Variants in SMARCA2 observed in about 807,000 individuals in gnomAD.
The protein encoded by SMARCA2 is SWI/SNF-related matrix-associated actin-dependent regulator of chromatin subfamily A member 2.
SMARCA2 carries 61 observed loss-of-function variants against 199.8 expected under a neutral mutation model. The observed-to-expected ratio is 0.31, with a 90% CI of 0.25 to 0.38. SMARCA2 has a LOEUF of 0.38. Among genes scored for constraint, SMARCA2 ranks in the 10% least tolerant of loss-of-function variants. The pLI is 1.00. For synonymous variants in SMARCA2, 935 were observed against 732.0 expected (o/e 1.28, Z -4.48); for missense variants, 1,344 against 2,012.2 (o/e 0.67, Z 6.35).
chr9:2,128,784 C>A lies in SMARCA2; in HGVS notation c.3981+4847C>A, dbSNP rs1355056204. Among the ~76,000 whole-genome samples the A allele has an allele frequency of 4.6e-5, 7 of 152,302 alleles. No individual in the cohort carries two copies. The East Asian group carries it at 1.2e-3, about 25-fold the overall frequency. Reference sequence around the variant, plus strand: ...AAATCCACCTTTAGCAGTTTTAGTGCCTCATTATCTTCCTTTCCACTCAGT... The same window carrying A: ...AAATCCACCTTTAGCAGTTTTAGTGACTCATTATCTTCCTTTCCACTCAGT... On this transcript the variant is annotated intron_variant, in intron 27 of 33. Coordinates refer to ENST00000349721, the MANE Select transcript of SMARCA2 (RefSeq NM_003070.5).
intron 27 of SMARCA2, among the ~76,000 whole-genome samples, chr9:2,154,026 G>C (rs140013957): frequency 1.5e-4 from 23 of 152,336 alleles, no homozygotes; most frequent in African/African-American, 3.8e-4. Flanking sequence ...TAATCTGGTA[G>C]TTAAGGGTGT....
intron 5 of SMARCA2, among the ~76,000 whole-genome samples, chr9:2,051,740 G>A (rs887709410): frequency 5.3e-5 from 8 of 152,152 alleles, no homozygotes; most frequent in African/African-American, 1.9e-4. Flanking sequence ...CCAAATCATT[G>A]GCCATGGGCT....
chr9:2,099,433 C>G (rs1489730026), intron 21 of SMARCA2, among the ~76,000 whole-genome samples: 1 of 152,104 alleles, frequency 6.6e-6, no homozygotes, highest in African/African-American at 2.4e-5. Context: ...GAAATGACCC[C>G]TTGAGCCATG....
intron 9 of SMARCA2, among the ~76,000 whole-genome samples, chr9:2,068,019 T>C (rs1820920514): frequency 6.6e-6 from 1 of 152,248 alleles, no homozygotes; most frequent in Admixed American, 6.5e-5. Flanking sequence ...TTGTCTCATT[T>C]GATTTTCTTT....
chr9:2,025,059 C>T (rs979864543), intron 1 of SMARCA2, among the ~76,000 whole-genome samples: 13 of 149,628 alleles, frequency 8.7e-5, no homozygotes, highest in Non-Finnish European at 1.9e-4. Flanking sequence ...ATGCAGATGG[C>T]TGTGCTGAGC....
intron 3 of SMARCA2, among the ~76,000 whole-genome samples, chr9:2,034,220 G>C (rs1249528201): frequency 6.9e-6 from 1 of 145,052 alleles, no homozygotes; most frequent in Non-Finnish European, 1.5e-5. Context: ...CTCTAGCCTG[G>C]CGACAGAGCA....
chr9:2,157,412 C>T (rs1825423640), intron 27 of SMARCA2, among the ~76,000 whole-genome samples: 1 of 152,102 alleles, frequency 6.6e-6, no homozygotes, highest in African/African-American at 2.4e-5. Flanking sequence ...GCTCTATAAC[C>T]CCACCCCCAT....
chr9:2,042,225 C>G (rs1040890942), intron 4 of SMARCA2: 6 of 152,092 alleles, frequency 3.9e-5, no homozygotes, highest in African/African-American at 2.4e-5. Context: ...AGAGTATTAA[C>G]TAGGAGAATT....
At chr9:2,088,894 T>TTTTTTTTTTTTTTTTA (rs1554624155) in intron 19 of SMARCA2, among the ~76,000 whole-genome samples, 1 of 151,366 alleles carries the variant, frequency 6.6e-6, no homozygotes, top group African/African-American at 2.4e-5. Flanking sequence ...TTTTTTTTTT[T>TTTTTTTTTTTTTTTTA]AAATTACGGA....
intron 1 of SMARCA2, among the ~76,000 whole-genome samples, chr9:2,026,862 G>A (rs376024649): frequency 2.6e-5 from 4 of 152,120 alleles, no homozygotes; most frequent in Non-Finnish European, 4.4e-5. Flanking sequence ...AAAAAGTTCC[G>A]TCTGCTTTGT....
At chr9:2,077,845 G>T (rs146689590) in intron 14 of SMARCA2, 69 bp downstream of exon 14, 136 of 1,422,840 alleles carry the variant, frequency 9.6e-5, no homozygotes, top group Non-Finnish European at 1.3e-4. Context: ...GAAGTATGTC[G>T]TGCACATGTT....
At chr9:2,079,589 G>C (rs1490514339) in intron 14 of SMARCA2, among the ~76,000 whole-genome samples, 1 of 150,688 alleles carries the variant, frequency 6.6e-6, no homozygotes, top group African/African-American at 2.5e-5. Context: ...TTTTGACCTC[G>C]TGGATCTCCT....
intron 10 of SMARCA2, among the ~76,000 whole-genome samples, chr9:2,071,455 G>C (rs1821084537): frequency 6.6e-6 from 1 of 152,168 alleles, no homozygotes; most frequent in Non-Finnish European, 1.5e-5. Flanking sequence ...CCTTACCTAA[G>C]AATGCCTCCC....
At chr9:2,046,826 T>TA (rs200788037) in intron 4 of SMARCA2, among the ~76,000 whole-genome samples, 5 of 151,914 alleles carry the variant, frequency 3.3e-5, no homozygotes, top group African/African-American at 1.2e-4. Context: ...CACCTGTAAT[T>TA]AAAAAAAGAA....
At chr9:2,133,308 T>C (rs1246383928) in intron 27 of SMARCA2, among the ~76,000 whole-genome samples, 1 of 152,206 alleles carries the variant, frequency 6.6e-6, no homozygotes, top group African/African-American at 2.4e-5. Context: ...TTCTGCTTTT[T>C]TACTTTATTT....
chr9:2,191,144 G>A (rs145876273), intron 32 of SMARCA2, 122 bp from the exon 33 acceptor site: 27 of 933,870 alleles, frequency 2.9e-5, no homozygotes, highest in East Asian at 4.9e-5. Flanking sequence ...GGCATAAACC[G>A]GGAATGTTCT....
chr9:2,127,371 C>A (rs1823741291), intron 27 of SMARCA2, among the ~76,000 whole-genome samples: 1 of 152,198 alleles, frequency 6.6e-6, no homozygotes, highest in Non-Finnish European at 1.5e-5. Context: ...ATGTTCACTG[C>A]TGCCACAGAT....
intron 27 of SMARCA2, among the ~76,000 whole-genome samples, chr9:2,156,445 T>TTTTTTTTTG (rs1825367158): frequency 1.1e-5 from 1 of 94,546 alleles, no homozygotes; most frequent in African/African-American, 4.2e-5. Context: ...TTTTTTTTTT[T>TTTTTTTTTG]TGAGGCAGAG....
intron 27 of SMARCA2, among the ~76,000 whole-genome samples, chr9:2,133,954 G>C (rs914836549): frequency 1.3e-5 from 2 of 152,144 alleles, no homozygotes; most frequent in African/African-American, 4.8e-5. Context: ...GGGACCTTGT[G>C]TCACCTCTCA....
Sources: gnomAD v4.1 joint callset for allele counts (sites outside exome capture counted in the v4.1 genomes callset) on GRCh38, gnomAD v4.1.1 for gene constraint, MANE v1.5 for transcripts, NCBI Gene and HGNC (gene_info 2026-07-23, HGNC 2026-07-21) for gene names.